The following DPH6 variants were observed in gnomAD, a reference collection of about 807,000 sequenced individuals.
DPH6 encodes diphthine--ammonia ligase.
In DPH6, 33 loss-of-function variants were observed where a neutral mutation model predicts 38.2. That is an observed-to-expected ratio of 0.86 (90% CI 0.65 to 1.15). The LOEUF (loss-of-function observed/expected upper bound fraction) is 1.15. Ranked by LOEUF, DPH6 falls within the 50% of genes most tolerant of loss-of-function variation. The pLI is 0.00. For missense variants in DPH6, 325 were observed against 320.0 expected, an observed-to-expected ratio of 1.02 and a Z score of -0.12; for synonymous variants, 108 against 103.0, an observed-to-expected ratio of 1.05 and a Z score of -0.30.
At chr15:35,292,241 A>G (rs183165618) in intron 3 of DPH6, among the ~76,000 whole-genome samples, 1 of 152,294 alleles carries the variant, frequency 6.6e-6, no homozygotes, top group Admixed American at 6.5e-5. Context: ...CACGCTCCAG[A>G]CACCTGATAG....
At chr15:35,445,421 G>A (rs1004472518) in intron 5 of DPH6, among the ~76,000 whole-genome samples, 3 of 145,762 alleles carry the variant, frequency 2.1e-5, no homozygotes, top group African/African-American at 7.6e-5. Context: ...AAAGAGATCT[G>A]AATGGTAAAT....
chr15:35,164,920 T>G, the DPH6 span, among the ~76,000 whole-genome samples: 1 of 151,908 alleles, frequency 6.6e-6, no homozygotes, highest in Admixed American at 6.6e-5. Context: ...TAAATGACCT[T>G]AACTATGAAT....
At chr15:35,516,436 G>A (rs1001627582) in intron 3 of DPH6, among the ~76,000 whole-genome samples, 1 of 152,122 alleles carries the variant, frequency 6.6e-6, no homozygotes, top group Non-Finnish European at 1.5e-5. Flanking sequence ...ATGACCCTAT[G>A]TTGTACGTAC....
intron 5 of DPH6, among the ~76,000 whole-genome samples, chr15:35,419,739 A>G (rs2053481401): frequency 6.6e-6 from 1 of 152,186 alleles, no homozygotes; most frequent in Non-Finnish European, 1.5e-5. Context: ...CAATTCATCA[A>G]GAGGATAAAA....
chr15:35,406,370 T>C (rs1384065885), intron 6 of DPH6, among the ~76,000 whole-genome samples: 1 of 152,054 alleles, frequency 6.6e-6, no homozygotes, highest in South Asian at 2.1e-4. Flanking sequence ...GTAAGCAGTT[T>C]AAATTTTATT....
intron 4 of DPH6, among the ~76,000 whole-genome samples, chr15:35,453,701 T>C (rs2053963646): frequency 6.6e-6 from 1 of 152,106 alleles, no homozygotes; most frequent in Non-Finnish European, 1.5e-5. Flanking sequence ...CACTTAACTA[T>C]GCTTTACCTT....
intron 3 of DPH6, among the ~76,000 whole-genome samples, chr15:35,297,733 T>C (rs2052024617): frequency 6.6e-6 from 1 of 152,124 alleles, no homozygotes; most frequent in Non-Finnish European, 1.5e-5. Flanking sequence ...CACAATCATC[T>C]ACCTGCTTGA....
At chr15:35,361,071 G>A (rs2052610175) in intron 3 of DPH6, among the ~76,000 whole-genome samples, 1 of 152,152 alleles carries the variant, frequency 6.6e-6, no homozygotes, top group African/African-American at 2.4e-5. Flanking sequence ...CCTGACAAAT[G>A]GGATCATGGG....
At chr15:35,265,246 AAAG>A (rs1179436554) in intron 3 of DPH6, among the ~76,000 whole-genome samples, 2 of 152,242 alleles carry the variant, frequency 1.3e-5, no homozygotes, top group Admixed American at 6.5e-5. Context: ...AAAGGAAAAA[AAAG>A]GACAGTATAA....
chr15:35,155,161 G>C, the DPH6 span, among the ~76,000 whole-genome samples: 1 of 152,166 alleles, frequency 6.6e-6, no homozygotes, highest in Admixed American at 6.6e-5. Context: ...CACAACTACA[G>C]TGCACATTGC....
chr15:35,268,228 G>A (rs1285916277), intron 3 of DPH6, among the ~76,000 whole-genome samples: 1 of 151,194 alleles, frequency 6.6e-6, no homozygotes, highest in East Asian at 1.9e-4. Flanking sequence ...AAAGAAAACT[G>A]AAGGAGTTTG....
At chr15:35,238,171 G>A in intron 3 of DPH6, 2 of 561,810 alleles carry the variant, frequency 3.6e-6, no homozygotes, top group South Asian at 3.6e-5. Context: ...TTTTCTGATT[G>A]TAACGTTGCT....
intron 3 of DPH6, among the ~76,000 whole-genome samples, chr15:35,499,234 T>C (rs1412352046): frequency 6.6e-6 from 1 of 152,202 alleles, no homozygotes; most frequent in East Asian, 1.9e-4. Context: ...TGACAAAGTT[T>C]CACTTGAGAA....
rs1179696377 is a variant in DPH6 at position 35,489,218 on chromosome 15, G to T, written c.313-34398C>A. The T allele has an allele frequency of 1.0e-5, 5 of 499,820 alleles. No homozygotes were observed. In the African/African-American group the frequency reaches 1.0e-4, roughly 10 times the overall value. 31.0% of individuals were successfully genotyped at this position (499,820 alleles called of 1,614,324 possible). ...ACTTCAACAGAGAGATATAATCTTG[G>T]AAACCACAGAGCAGCCATATTTTTT... On this transcript the variant is annotated intron_variant, in intron 3 of 8. Transcript: ENST00000256538.
the DPH6 span, among the ~76,000 whole-genome samples, chr15:35,159,064 A>T: frequency 6.6e-6 from 1 of 152,110 alleles, no homozygotes; most frequent in Non-Finnish European, 1.5e-5. Flanking sequence ...TACTTTTCTA[A>T]GCTGGTGTTT....
At chr15:35,302,034 C>A (rs960628728) in intron 3 of DPH6, among the ~76,000 whole-genome samples, 1 of 151,820 alleles carries the variant, frequency 6.6e-6, no homozygotes, top group Admixed American at 6.6e-5. Context: ...TTATTGTAGT[C>A]AATACATAAA....
chr15:35,302,739 G>A (rs2052062716), intron 3 of DPH6, among the ~76,000 whole-genome samples: 1 of 151,852 alleles, frequency 6.6e-6, no homozygotes, highest in South Asian at 2.1e-4. Context: ...TCTTGGATTG[G>A]GGCTGCAGTG....
intron 3 of DPH6, among the ~76,000 whole-genome samples, chr15:35,509,699 A>C (rs2054741577): frequency 6.6e-6 from 1 of 152,228 alleles, no homozygotes; most frequent in Non-Finnish European, 1.5e-5. Flanking sequence ...TAATGTTTGA[A>C]AAGGTTTGAA....
At chr15:35,166,447 G>T in the DPH6 span, among the ~76,000 whole-genome samples, 1 of 151,866 alleles carries the variant, frequency 6.6e-6, no homozygotes, top group East Asian at 1.9e-4. Context: ...AAATTTGTAT[G>T]CCTTTTTCCT....
Sources: allele counts gnomAD v4.1 joint callset (sites outside exome capture counted in the v4.1 genomes callset), GRCh38; gene constraint gnomAD v4.1.1; transcripts MANE v1.5; gene names NCBI Gene and HGNC (gene_info 2026-07-23, HGNC 2026-07-21).